Variants in ATXN1 observed in about 807,000 individuals in gnomAD.
ATXN1 encodes ataxin 1.
A neutral mutation model predicts 56.4 loss-of-function variants in ATXN1; 8 were observed. That is an observed-to-expected ratio of 0.14 (90% CI 0.08 to 0.26). The LOEUF (loss-of-function observed/expected upper bound fraction) is 0.26. Ranked by LOEUF, ATXN1 falls within the 10% of genes least tolerant of loss-of-function variation. The pLI, the probability that ATXN1 is intolerant of heterozygous loss-of-function variation, is 1.00. For missense variants in ATXN1, 987 were observed against 1,106.5 expected, an observed-to-expected ratio of 0.89 and a Z score of 1.53; for synonymous variants, 514 against 494.6, an observed-to-expected ratio of 1.04 and a Z score of -0.52.
chr6:16,417,211 T>G (rs893427461), intron 6 of ATXN1, among the ~76,000 whole-genome samples: 1 of 152,052 alleles, frequency 6.6e-6, no homozygotes, highest in African/African-American at 2.4e-5. Context: ...AAAAAAAAAT[T>G]TTCTTTTGAG....
At chr6:16,514,188 A>G (rs1343171895) in intron 5 of ATXN1, among the ~76,000 whole-genome samples, 1 of 152,172 alleles carries the variant, frequency 6.6e-6, no homozygotes, top group Non-Finnish European at 1.5e-5. Flanking sequence ...CCCATCAAAC[A>G]GCTTTCTTCC....
chr6:16,582,861 T>G (rs556926852), intron 4 of ATXN1, among the ~76,000 whole-genome samples: 12 of 152,320 alleles, frequency 7.9e-5, no homozygotes, highest in Admixed American at 7.2e-4. Flanking sequence ...CTAAGTGCTA[T>G]TCAAATACCA....
In ATXN1 at chr6:16,300,159, A is replaced by T. The variant is rs562493912; in HGVS notation, c.*6170T>A. 1 of 152,746 alleles carries T rather than the reference A, an allele frequency of 6.5e-6. No individual in the cohort carries two copies. Among genetic ancestry groups the T allele is most frequent in the East Asian group, 1.9e-4 (1 of 5,184 alleles). 9.5% of individuals were successfully genotyped at this position (152,746 alleles called of 1,614,324 possible). A position where few individuals can be genotyped will look rare whatever the true frequency, so the allele number is the denominator to read the frequency against. On this transcript the variant is annotated 3_prime_UTR_variant, in exon 8 of 8. Coordinates refer to ENST00000436367, the MANE Select transcript of ATXN1 (RefSeq NM_001128164.2). Reference sequence around the variant, plus strand: ...GGCCATCCAGACAGCAAACAAACTAAAGGGAAAGAAAACGTGGGTGAAGCC... The same window carrying T: ...GGCCATCCAGACAGCAAACAAACTATAGGGAAAGAAAACGTGGGTGAAGCC...
At chr6:16,554,922 C>T (rs531944031) in intron 4 of ATXN1, among the ~76,000 whole-genome samples, 4 of 152,278 alleles carry the variant, frequency 2.6e-5, no homozygotes, top group East Asian at 1.9e-4. Context: ...TCTCCATCAT[C>T]GTGACTATAG....
chr6:16,738,399 TATGGA>T (rs1482968240), intron 2 of ATXN1: 3 of 152,152 alleles, frequency 2.0e-5, no homozygotes, highest in African/African-American at 7.2e-5. Context: ...TGTGGGTAAT[TATGGA>T]ATTTCAACAA....
At chr6:16,341,742 A>T (rs985211759) in intron 6 of ATXN1, among the ~76,000 whole-genome samples, 1 of 151,568 alleles carries the variant, frequency 6.6e-6, no homozygotes, top group Non-Finnish European at 1.5e-5. Flanking sequence ...GATGGTCTTG[A>T]TCTCCTGACC....
At chr6:16,723,650 T>C (rs1362684564) in intron 2 of ATXN1, among the ~76,000 whole-genome samples, 1 of 152,190 alleles carries the variant, frequency 6.6e-6, no homozygotes. Context: ...AAAGAGACTC[T>C]GGAGCATTAA....
At chr6:16,549,884 G>A (rs190574749) in intron 4 of ATXN1, among the ~76,000 whole-genome samples, 30 of 99,406 alleles carry the variant, frequency 3.0e-4, no homozygotes, top group Non-Finnish European at 5.2e-4. Context: ...CAACAAGAGC[G>A]AAACTCTGTC....
At chr6:16,528,265 C>T (rs1382560552) in intron 4 of ATXN1, among the ~76,000 whole-genome samples, 1 of 149,550 alleles carries the variant, frequency 6.7e-6, no homozygotes, top group Non-Finnish European at 1.5e-5. Context: ...CGCACCACTG[C>T]ACTCCAACCT....
chr6:16,524,384 C>T lies in ATXN1; in HGVS notation c.-360-1696G>A, dbSNP rs181077110. Among the ~76,000 whole-genome samples, 69 of 152,296 alleles carry T rather than the reference C, an allele frequency of 4.5e-4. No individual in the cohort carries two copies. In the East Asian group the frequency reaches 8.7e-3, roughly 19 times the overall value. ...TGGCAAAATCTCTGAGTATCTTCTT[C>T]GTTTTAAAGCAACACTTTATAATCC... is the stretch of plus-strand genomic sequence containing the variant. On this transcript the variant is annotated intron_variant, in intron 4 of 7. Coordinates refer to ENST00000436367, the MANE Select transcript of ATXN1 (RefSeq NM_001128164.2).
At chr6:16,494,095 GCA>G (rs1760725389) in intron 5 of ATXN1, among the ~76,000 whole-genome samples, 1 of 9,668 alleles carries the variant, frequency 1.0e-4, no homozygotes, top group African/African-American at 9.6e-4. Flanking sequence ...CATCTCCAGT[GCA>G]GGGCTGGACT....
rs749638304 is a variant in ATXN1 at position 16,566,697 on chromosome 6, CAA to C, written c.-361+19081_-361+19082del. 2.3e-3 allele frequency among the ~76,000 whole-genome samples: 354 copies of C among 150,988 alleles called. 16 individuals carry two copies. The East Asian group carries it at 0.058, about 25-fold the overall frequency. On this transcript the variant is annotated intron_variant, in intron 4 of 7. Coordinates refer to ENST00000436367, the MANE Select transcript of ATXN1 (RefSeq NM_001128164.2). ...TGAAACCCCGTCTCTACTAAAAATA[CAA>C]AAAAAAATTAGCCGGGCATGGTGGT... is the stretch of plus-strand genomic sequence containing the variant.
chr6:16,328,847 A>G lies in ATXN1; in HGVS notation c.-160-377T>C, dbSNP rs1760913659. On this transcript the variant is annotated intron_variant, in intron 6 of 7. Coordinates refer to ENST00000436367, the MANE Select transcript of ATXN1 (RefSeq NM_001128164.2). The surrounding 1 kb of genome is among the most constrained non-coding windows in gnomAD (Gnocchi z 6.2). Reference sequence around the variant, plus strand: ...GAGGCTGAGGCAGGAGAATTGCTTGAACCCAGGAGGCAGAGGTTGCAGTGA... The same window carrying G: ...GAGGCTGAGGCAGGAGAATTGCTTGGACCCAGGAGGCAGAGGTTGCAGTGA... Among the ~76,000 whole-genome samples, 1 of 152,184 alleles carries G rather than the reference A, an allele frequency of 6.6e-6. No individual in the cohort carries two copies. The highest frequency in any genetic ancestry group is 2.1e-4 in the South Asian group (1 of 4,828).
intron 3 of ATXN1, among the ~76,000 whole-genome samples, chr6:16,626,233 C>A (rs1024793519): frequency 1.3e-5 from 2 of 152,168 alleles, no homozygotes; most frequent in Non-Finnish European, 2.9e-5. Flanking sequence ...TTAAAATGGT[C>A]ATGTAAAGAC....
chr6:16,669,533 C>T (rs539223264), intron 2 of ATXN1, among the ~76,000 whole-genome samples: 2 of 152,090 alleles, frequency 1.3e-5, no homozygotes, highest in African/African-American at 2.4e-5. Context: ...TTTTTCCATC[C>T]GGCAGACCCC....
rs1169109434 is a variant in ATXN1 at position 16,300,691 on chromosome 6, A to G, written c.*5638T>C. 1 of 152,514 alleles carries G rather than the reference A, an allele frequency of 6.6e-6. No individual in the cohort carries two copies. Among genetic ancestry groups the G allele is most frequent in the Non-Finnish European group, 1.5e-5 (1 of 68,020 alleles). The allele number at this position is 152,514 out of a possible 1,614,324, so 9.4% of individuals were successfully genotyped here. A position where few individuals can be genotyped will look rare whatever the true frequency, so the allele number is the denominator to read the frequency against. ...AAATAATTTTTTTTTTTGTCCCCAT[A>G]ATGAGTCCTGTTTGATTGGTAGCCT... On this transcript the variant is annotated 3_prime_UTR_variant, in exon 8 of 8. Transcript: ENST00000436367.
At chr6:16,718,558 A>T (rs2113465825) in intron 2 of ATXN1, among the ~76,000 whole-genome samples, 1 of 152,350 alleles carries the variant, frequency 6.6e-6, no homozygotes, top group Non-Finnish European at 1.5e-5. Flanking sequence ...CTTACTTCCC[A>T]TTTGCAAAGC....
intron 6 of ATXN1, among the ~76,000 whole-genome samples, chr6:16,331,267 C>T (rs1177111225): frequency 2.6e-5 from 4 of 152,244 alleles, no homozygotes; most frequent in Non-Finnish European, 5.9e-5. Context: ...TCCCAAAGTG[C>T]TGGGATTACA....
Position 16,328,245 on chromosome 6 carries a change from G to T in ATXN1, c.66C>A (p.Thr22=). The part of the protein sequence containing the change: ...LPPKKREIPA[T]SRSSEEKAPT... ...GGGCCTTCTCCTCGGAGGACCGGCT[G>T]GTGGCGGGGATCTCGCGCTTCTTGG... Residue 22 remains threonine (T), a synonymous_variant, in exon 7 of 8, where the codon ACC becomes ACA. Coordinates refer to ENST00000436367, the MANE Select transcript of ATXN1 (RefSeq NM_001128164.2). The surrounding 1 kb of genome is among the most constrained non-coding windows in gnomAD (Gnocchi z 6.2). The T allele has an allele frequency of 6.4e-7, 1 of 1,553,246 alleles. No homozygotes were observed.
Sources: gnomAD v4.1 joint callset for allele counts (sites outside exome capture counted in the v4.1 genomes callset) on GRCh38, gnomAD v4.1.1 for gene constraint, Gnocchi (gnomAD v3.1) non-coding constraint, MANE v1.5 for transcripts, NCBI Gene and HGNC (gene_info 2026-07-23, HGNC 2026-07-21) for gene names.